The following RIMBP2 variants were observed in gnomAD, a reference collection of about 807,000 sequenced individuals.
RIMBP2 encodes RIMS binding protein 2, also known as RIMS-binding protein 2.
A neutral mutation model predicts 118.6 loss-of-function variants in RIMBP2; 48 were observed. That is an observed-to-expected ratio of 0.40 (90% confidence interval 0.32 to 0.51). The LOEUF (loss-of-function observed/expected upper bound fraction) is 0.51. RIMBP2 is among the 20% of genes least tolerant of loss of function. The pLI is 0.41. For synonymous variants in RIMBP2, 762 were observed against 742.9 expected (o/e 1.03, Z -0.42); for missense variants, 1,551 against 1,768.3 (o/e 0.88, Z 2.20).
At chr12:130,486,250 G>A (rs901365403) in intron 4 of RIMBP2, among the ~76,000 whole-genome samples, 3 of 152,050 alleles carry the variant, frequency 2.0e-5, no homozygotes, top group South Asian at 2.1e-4. Flanking sequence ...AGCAGCACCC[G>A]ACACCAGGGC....
chr12:130,474,114 C>T (rs781384833), intron 5 of RIMBP2, among the ~76,000 whole-genome samples: 2 of 152,162 alleles, frequency 1.3e-5, no homozygotes, highest in African/African-American at 2.4e-5. Context: ...GGAGCGCAGC[C>T]GGACCCCAGG....
Position 130,407,737 on chromosome 12 carries a change from C to T in RIMBP2, c.3682G>A (p.Val1228Ile), listed in dbSNP as rs142858015. 18 of 1,613,662 alleles carry T rather than the reference C, an allele frequency of 1.1e-5. No individual in the cohort carries two copies. The African/African-American group carries it at 1.2e-4, about 11-fold the overall frequency. The change falls in exon 20 of 23, where the codon GTC becomes ATC. Residue 1228 changes from valine to isoleucine, a missense_variant. By Grantham distance (29) the Val-to-Ile change is conservative. Coordinates refer to ENST00000690449, the MANE Select transcript of RIMBP2 (RefSeq NM_001393629.1). ...TGTTTGGCTGGTACCTCGACATCGA[C>T]GTTGGGCGAGCTTTCTCTGGGGTCG... ...DYDPRESSPN[V>I]DVEAELTFCT...
chr12:130,495,699 A>G (rs936073695), intron 4 of RIMBP2, among the ~76,000 whole-genome samples: 15 of 152,178 alleles, frequency 9.9e-5, no homozygotes, highest in Non-Finnish European at 2.2e-4. Context: ...TTGAGGGTGT[A>G]TATCAATGAA....
At chr12:130,686,636 C>A (rs773623352) in intron 1 of RIMBP2, among the ~76,000 whole-genome samples, 15 of 152,234 alleles carry the variant, frequency 9.9e-5, no homozygotes, top group Non-Finnish European at 2.2e-4. Flanking sequence ...CTGGCACAGC[C>A]GTGCTGGCCC....
chr12:130,681,515 C>T (rs2064783472), intron 1 of RIMBP2, among the ~76,000 whole-genome samples: 1 of 148,382 alleles, frequency 6.7e-6, no homozygotes, highest in Non-Finnish European at 1.5e-5. Flanking sequence ...CTAGTAACCT[C>T]TATTCTACTT....
In RIMBP2 at chr12:130,451,345, C is replaced by T. The variant is rs892307204; in HGVS notation, c.359-5G>A. 8.1e-6 allele frequency: 13 copies of T among 1,595,766 alleles called. No homozygotes were observed. Among genetic ancestry groups the T allele is most frequent in the Non-Finnish European group, 8.6e-7 (1 of 1,167,756 alleles). ...CTCCAATAGCGCTCTCCTGACCTGG[C>T]CACGAACATTAAAACAAGTTGAAAC... On this transcript the variant is annotated splice_polypyrimidine_tract_variant and splice_region_variant and intron_variant, in intron 7 of 22. Transcript: ENST00000690449.
intron 2 of RIMBP2, among the ~76,000 whole-genome samples, chr12:130,580,122 C>T (rs912380822): frequency 1.7e-4 from 26 of 151,468 alleles, no homozygotes; most frequent in Admixed American, 5.3e-4. Flanking sequence ...CACTTGAACC[C>T]GGGAGACAGA....
intron 4 of RIMBP2, among the ~76,000 whole-genome samples, chr12:130,495,280 C>A (rs1483896566): frequency 3.3e-5 from 5 of 152,238 alleles, no homozygotes; most frequent in African/African-American, 1.2e-4. Flanking sequence ...TGCCTCTGGA[C>A]ACCTGCCCCA....
intron 8 of RIMBP2, 27 bp downstream of exon 8, chr12:130,451,159 AGGCAGCCCC>A: frequency 1.2e-6 from 2 of 1,603,778 alleles, no homozygotes; most frequent in Non-Finnish European, 1.7e-6. Flanking sequence ...CACACAGCAC[AGGCAGCCCC>A]GGCAGCCCCT....
Position 130,600,706 on chromosome 12 carries a change from C to T in RIMBP2, c.-217+27616G>A, listed in dbSNP as rs570868909. Among the ~76,000 whole-genome samples the T allele has an allele frequency of 3.3e-5, 5 of 152,312 alleles. No individual in the cohort carries two copies. In the East Asian group the frequency reaches 9.7e-4, roughly 29 times the overall value. Reference sequence around the variant, plus strand: ...CATAAACTTCTCCCCTACACAAAAACATTCCAAGCTTGTGATAAGCCCCCT... The same window carrying T: ...CATAAACTTCTCCCCTACACAAAAATATTCCAAGCTTGTGATAAGCCCCCT... On this transcript the variant is annotated intron_variant, in intron 2 of 22. Coordinates refer to ENST00000690449, the MANE Select transcript of RIMBP2 (RefSeq NM_001393629.1).
chr12:130,665,612 T>C (rs1459495760), intron 1 of RIMBP2, among the ~76,000 whole-genome samples: 1 of 151,594 alleles, frequency 6.6e-6, no homozygotes, highest in South Asian at 2.1e-4. Flanking sequence ...TGAGGAACCT[T>C]CTGTAAAACT....
intron 5 of RIMBP2, among the ~76,000 whole-genome samples, chr12:130,473,661 G>A (rs1230556134): frequency 6.6e-6 from 1 of 152,214 alleles, no homozygotes; most frequent in Non-Finnish European, 1.5e-5. Flanking sequence ...GAACTATGCC[G>A]AGGGCTACAA....
At chr12:130,628,874 T>A (rs1186505981) in intron 1 of RIMBP2, among the ~76,000 whole-genome samples, 2 of 152,210 alleles carry the variant, frequency 1.3e-5, no homozygotes, top group Non-Finnish European at 2.9e-5. Flanking sequence ...ATATCCTTAA[T>A]TATCAAGATG....
chr12:130,554,501 A>T (rs905737741), intron 2 of RIMBP2, among the ~76,000 whole-genome samples: 8 of 152,204 alleles, frequency 5.3e-5, no homozygotes, highest in African/African-American at 1.9e-4. Context: ...AAGTGACCCT[A>T]CTAACATCAC....
At chr12:130,664,413 A>ACG (rs746938510) in intron 1 of RIMBP2, among the ~76,000 whole-genome samples, 29,813 of 120,320 alleles carry the variant, frequency 0.25, 4,263 homozygotes, top group Middle Eastern at 0.36. Context: ...GCACGCACGC[A>ACG]CACACACGCA....
intron 4 of RIMBP2, among the ~76,000 whole-genome samples, chr12:130,489,353 C>A (rs2048410296): frequency 6.6e-6 from 1 of 152,142 alleles, no homozygotes; most frequent in South Asian, 2.1e-4. Flanking sequence ...CTAGATCTCA[C>A]CTTGGTGTGC....
At chr12:130,454,885 T>C (rs1164725032) in intron 7 of RIMBP2, among the ~76,000 whole-genome samples, 1 of 152,142 alleles carries the variant, frequency 6.6e-6, no homozygotes, top group African/African-American at 2.4e-5. Context: ...GCAAGGTGGG[T>C]CACTGGCTAG....
chr12:130,506,314 C>T (rs996131427), intron 4 of RIMBP2, among the ~76,000 whole-genome samples: 4 of 152,100 alleles, frequency 2.6e-5, no homozygotes, highest in Admixed American at 2.6e-4. Context: ...AGTTTGAAAC[C>T]CACTGTAGCC....
chr12:130,645,578 G>C (rs768023808), intron 1 of RIMBP2, among the ~76,000 whole-genome samples: 1 of 152,208 alleles, frequency 6.6e-6, no homozygotes, highest in Non-Finnish European at 1.5e-5. Context: ...AGAAAGTCAT[G>C]CCCTCTCCCA....
Sources: gnomAD v4.1 joint callset for allele counts (sites outside exome capture counted in the v4.1 genomes callset) on GRCh38, gnomAD v4.1.1 for gene constraint, MANE v1.5 for transcripts, NCBI Gene and HGNC (gene_info 2026-07-23, HGNC 2026-07-21) for gene names.